The following TTN variants were observed in gnomAD, a reference collection of about 807,000 sequenced individuals.
TTN encodes the protein connectin.
TTN carries 1,525 observed loss-of-function variants against 3,223.0 expected under a neutral mutation model. That is an observed-to-expected ratio of 0.47 (90% confidence interval 0.45 to 0.49). TTN has a LOEUF of 0.49. Among genes scored for constraint, TTN ranks in the 20% least tolerant of loss-of-function variants. TTN has a pLI of 0.00. For missense variants in TTN, 40,786 were observed against 43,424.0 expected (o/e 0.94, Z 5.40); for synonymous variants, 14,094 against 15,161.0 (o/e 0.93, Z 5.17).
In TTN at chr2:178,562,284, G is replaced by T; in HGVS notation, c.83848C>A (p.Leu27950Ile). 1 of 1,613,454 alleles carries T rather than the reference G, an allele frequency of 6.2e-7. No individual in the cohort carries two copies. Among genetic ancestry groups the T allele is most frequent in the South Asian group, 1.1e-5 (1 of 91,028 alleles). The change falls in exon 326 of 363, where the codon CTT becomes ATT. Residue 27950 changes from leucine (L) to isoleucine (I), a missense_variant. Coordinates refer to ENST00000589042, the MANE Select transcript of TTN (RefSeq NM_001267550.2). Reference protein sequence around the residue: ...NEKGRSDPRQLGVPVIARDIE... With the variant: ...NEKGRSDPRQIGVPVIARDIE... ...TCCCTTGCAATTACTGGCACTCCAA[G>T]TTGTCTTGGATCACTTCTTCCCTTT...
At position 178,563,198 on chromosome 2, in the gene TTN, C is replaced by T. The variant is rs766522109; in HGVS notation, c.82934G>A (p.Arg27645His). The T allele has an allele frequency of 9.3e-6, 15 of 1,613,622 alleles. No homozygotes were observed. The highest frequency in any genetic ancestry group is 3.3e-5 in the South Asian group (3 of 91,078). ...ACCTTCAGAATTGATGGCACAAATA[C>T]GGAAGTTATATTCAGTGTTTTCTTT... is the stretch of plus-strand genomic sequence containing the variant. The part of the protein sequence containing the change: ...KLKENTEYNF[R>H]ICAINSEGVG... Residue 27645 changes from arginine to histidine, a missense_variant, in exon 326 of 363, where the codon CGT (arginine) becomes CAT (histidine). Coordinates refer to ENST00000589042, the MANE Select transcript of TTN (RefSeq NM_001267550.2). This position sits in a 1 kb window ranked among gnomAD's most constrained non-coding sequence, Gnocchi z 4.5.
chr2:178,629,073 A>G (rs771432854), intron 240 of TTN, among the ~76,000 whole-genome samples: 1 of 152,126 alleles, frequency 6.6e-6, no homozygotes, highest in Non-Finnish European at 1.5e-5. Context: ...AAACATGATC[A>G]TACTTTAAAT....
rs727504479 is a variant in TTN, at chr2:178,590,626, G to A, written c.61099C>T (p.Arg20367Trp). The change falls in exon 304 of 363, where the codon CGG becomes TGG. Residue 20367 changes from arginine to tryptophan, a missense_variant. Coordinates refer to ENST00000589042, the MANE Select transcript of TTN (RefSeq NM_001267550.2). ...SPSSDPIKACRPIKPPGPPIN... is the reference protein window; with the variant it reads ...SPSSDPIKACWPIKPPGPPIN... ...GGTGGTCCAGGTGGTTTGATGGGCC[G>A]GCAAGCTTTTATTGGATCAGAACTT... is the stretch of plus-strand genomic sequence containing the variant. 68 of 1,612,824 alleles carry A rather than the reference G, an allele frequency of 4.2e-5. No homozygotes were observed. Among genetic ancestry groups the A allele is most frequent in the African/African-American group, 1.3e-4 (10 of 74,848 alleles).
At position 178,713,352 on chromosome 2, in the gene TTN, A is replaced by G; in HGVS notation, c.26782T>C (p.Phe8928Leu). ...QVSDRTVPPS[F>L]TRKLKETNGL... is the part of the protein sequence containing the mutation. ...TTTGTCTCTTTCAATTTTCTTGTGA[A>G]TGAAGGAGGAACGGTTCGGTCTGAA... Residue 8928 changes from phenylalanine to leucine, a missense_variant, in exon 93 of 363, where the codon TTC (phenylalanine) becomes CTC (leucine). Phe to Leu is a conservative substitution (Grantham distance 22). Coordinates refer to ENST00000589042, the MANE Select transcript of TTN (RefSeq NM_001267550.2). The G allele has an allele frequency of 6.5e-7, 1 of 1,549,488 alleles. No homozygotes were observed. The highest frequency in any genetic ancestry group is 8.7e-7 in the Non-Finnish European group (1 of 1,144,786).
rs2079188744 is a variant in TTN at position 178,725,526 on chromosome 2, T to C, written c.20678A>G (p.Glu6893Gly). The C allele has an allele frequency of 6.2e-7, 1 of 1,613,214 alleles. No individual in the cohort carries two copies. The highest frequency in any genetic ancestry group is 8.5e-7 in the Non-Finnish European group (1 of 1,179,508). ...IFVQWLKEKEEVIRESENIRI... is the reference protein window; with the variant it reads ...IFVQWLKEKEGVIRESENIRI... ...GATGTTTTCACTTTCTCTAATCACT[T>C]CTTCCTTCTCTTTAAGCCACTGGAC... is the stretch of plus-strand genomic sequence containing the variant. Residue 6893 changes from glutamate to glycine, a missense_variant, in exon 71 of 363, where the codon GAA becomes GGA. Coordinates refer to ENST00000589042, the MANE Select transcript of TTN (RefSeq NM_001267550.2).
In TTN at chr2:178,620,212, C is replaced by G. The variant is rs398124452; in HGVS notation, c.46304+5G>C. ...AGAAATAGAGAATAAAAAGATCTTG[C>G]TTACTTTTTGCCTTCTTTGATTTCT... On this transcript the variant is annotated splice_donor_5th_base_variant and intron_variant, in intron 248 of 362. Coordinates refer to ENST00000589042, the MANE Select transcript of TTN (RefSeq NM_001267550.2). 2 of 1,539,718 alleles carry G rather than the reference C, an allele frequency of 1.3e-6. No individual in the cohort carries two copies.
Position 178,718,464 on chromosome 2 carries a change from A to G in TTN, c.24642T>C (p.Ser8214=), listed in dbSNP as rs767535909. 2 of 1,613,634 alleles carry G rather than the reference A, an allele frequency of 1.2e-6. No individual in the cohort carries two copies. Among genetic ancestry groups the G allele is most frequent in the Non-Finnish European group, 8.5e-7 (1 of 1,179,746 alleles). Residue 8214 remains serine, a synonymous_variant, in exon 85 of 363, where the codon TCT becomes TCC. Coordinates refer to ENST00000589042, the MANE Select transcript of TTN (RefSeq NM_001267550.2). ...WIKDEYLISQ[S]ERCSITMTEK... ...CTGTCATAGTAATACTGCATCTCTC[A>G]GATTGTGAAATAAGATACTCGTCCT...
At chr2:178,693,779 A>G (rs2073038149) in intron 118 of TTN, 90 bp from the exon 119 acceptor site, 1 of 1,249,078 alleles carries the variant, frequency 8.0e-7, no homozygotes, top group South Asian at 1.5e-5. Context: ...AAATGAAAAC[A>G]GAGACAAACA....
In TTN at chr2:178,579,371, C is replaced by A; in HGVS notation, c.67659G>T (p.Lys22553Asn). The A allele has an allele frequency of 3.2e-6, 5 of 1,579,944 alleles. No homozygotes were observed. The highest frequency in any genetic ancestry group is 4.3e-6 in the Non-Finnish European group (5 of 1,167,258). The change falls in exon 320 of 363, where the codon AAG becomes AAT. Residue 22553 changes from lysine to asparagine, a missense_variant. Lys to Asn is a moderately conservative substitution (Grantham distance 94). Transcript: ENST00000589042. ...DDVVAPDLDL[K>N]GLPDLCYLAK... is the part of the protein sequence containing the mutation. Reference sequence around the variant, plus strand: ...CCAAGTAGCACAAATCAGGTAGACCCTTTAAGTCAAGATCAGGAGCCACTG... The same window carrying A: ...CCAAGTAGCACAAATCAGGTAGACCATTTAAGTCAAGATCAGGAGCCACTG...
At chr2:178,751,987 G>A in intron 47 of TTN, 1 of 1,586,288 alleles carries the variant, frequency 6.3e-7, no homozygotes, top group Non-Finnish European at 8.5e-7. Flanking sequence ...AATCTGAAAA[G>A]GCGTCACGTG....
chr2:178,554,359 G>A (rs575524430), intron 332 of TTN, 94 bp downstream of exon 332: 660 of 1,449,188 alleles, frequency 4.6e-4, no homozygotes, highest in Non-Finnish European at 5.8e-4. Context: ...TGAGACAGGT[G>A]TTATATAAAA....
chr2:178,733,083 T>C lies in TTN; in HGVS notation c.16093A>G (p.Asn5365Asp). 1.2e-6 allele frequency: 2 copies of C among 1,604,314 alleles called. No homozygotes were observed. Among genetic ancestry groups the C allele is most frequent in the Non-Finnish European group, 1.7e-6 (2 of 1,173,992 alleles). The stretch of plus-strand genomic sequence containing the variant: ...GTACCATTAACAACACTATCCACGT[T>C]GCGCAAGGGTTTGGTAAAAAATGGA... Reference protein sequence around the residue: ...IAPFFTKPLRNVDSVVNGTCR... With the variant: ...IAPFFTKPLRDVDSVVNGTCR... Residue 5365 changes from asparagine (N) to aspartate (D), a missense_variant, in exon 55 of 363, where the codon AAC becomes GAC. By Grantham distance (23) the Asn-to-Asp change is conservative. Coordinates refer to ENST00000589042, the MANE Select transcript of TTN (RefSeq NM_001267550.2).
intron 147 of TTN, among the ~76,000 whole-genome samples, chr2:178,676,407 C>T (rs1263994227): frequency 6.6e-6 from 1 of 151,694 alleles, no homozygotes; most frequent in Non-Finnish European, 1.5e-5. Context: ...TGGCCTGATG[C>T]GAGGGTTATG....
intron 48 of TTN, 114 bp downstream of exon 48, chr2:178,739,027 T>C: frequency 7.7e-7 from 1 of 1,304,148 alleles, no homozygotes; most frequent in Non-Finnish European, 1.0e-6. Context: ...ATTCTTACTC[T>C]AAATAAATTA....
At chr2:178,755,614 T>A (rs1420346799) in intron 46 of TTN, among the ~76,000 whole-genome samples, 1 of 152,122 alleles carries the variant, frequency 6.6e-6, no homozygotes, top group East Asian at 1.9e-4. Context: ...TGGCTAATTT[T>A]TGTATTTTTA....
At chr2:178,653,215 A>C in intron 198 of TTN, 23 bp downstream of exon 198, 1 of 1,611,294 alleles carries the variant, frequency 6.2e-7, no homozygotes, top group African/African-American at 1.3e-5. Flanking sequence ...GATCATCTGA[A>C]GCCTAAGGTC....
At position 178,792,147 on chromosome 2, in the gene TTN, T is replaced by C; in HGVS notation, c.1587A>G (p.Ala529=). The part of the protein sequence containing the change: ...KTFVPKVVIS[A]AKAKEQETRI... ...TAGTTTCTTGTTCTTTGGCTTTAGCTGCGGAAATTACTACCTTTGGTACAA... is the reference window on the plus strand; with the variant it reads ...TAGTTTCTTGTTCTTTGGCTTTAGCCGCGGAAATTACTACCTTTGGTACAA... Residue 529 remains alanine (A), a synonymous_variant, in exon 10 of 363, where the codon GCA becomes GCG. Coordinates refer to ENST00000589042, the MANE Select transcript of TTN (RefSeq NM_001267550.2). The C allele has an allele frequency of 6.2e-7, 1 of 1,612,118 alleles. No homozygotes were observed. Among genetic ancestry groups the C allele is most frequent in the South Asian group, 1.1e-5 (1 of 90,544 alleles).
chr2:178,757,759 C>T lies in TTN; in HGVS notation c.10461G>A (p.Arg3487=), dbSNP rs1449517557. The part of the protein sequence containing the change: ...HNGETVRFHA[R]VSGIPKPEIQ... ...TTTCTGGCTTGGGAATGCCAGAAAC[C>T]CTCGCATGAAATCTGACTGTCTCCC... The change falls in exon 45 of 363, where the codon AGG becomes AGA. Residue 3487 remains arginine, a synonymous_variant. Transcript: ENST00000589042. The T allele has an allele frequency of 6.2e-7, 1 of 1,613,760 alleles. No homozygotes were observed. Among genetic ancestry groups the T allele is most frequent in the Non-Finnish European group, 8.5e-7 (1 of 1,179,760 alleles).
rs1704351645 is a variant in TTN, at chr2:178,563,277, T to C, written c.82855A>G (p.Thr27619Ala). ...VKEAAADEWT[T>A]CTPPTGLQGK... Reference sequence around the variant, plus strand: ...TGTAATCCTGTTGGTGGAGTGCAGGTTGTCCATTCATCCGCAGCAGCTTCT... The same window carrying C: ...TGTAATCCTGTTGGTGGAGTGCAGGCTGTCCATTCATCCGCAGCAGCTTCT... Residue 27619 changes from threonine to alanine, a missense_variant, in exon 326 of 363, where the codon ACC becomes GCC. Thr to Ala is a moderately conservative substitution (Grantham distance 58). Transcript: ENST00000589042. The surrounding 1 kb of genome is among the most constrained non-coding windows in gnomAD (Gnocchi z 4.5). 3 of 1,613,646 alleles carry C rather than the reference T, an allele frequency of 1.9e-6. No individual in the cohort carries two copies. The East Asian group carries it at 6.7e-5, about 36-fold the overall frequency.
Sources: allele counts gnomAD v4.1 joint callset (sites outside exome capture counted in the v4.1 genomes callset), GRCh38; gene constraint gnomAD v4.1.1; non-coding constraint Gnocchi (gnomAD v3.1); transcripts MANE v1.5; gene names NCBI Gene and HGNC (gene_info 2026-07-23, HGNC 2026-07-21).